Variants in RARG observed in about 807,000 individuals in gnomAD.
RARG encodes the protein retinoic acid receptor gamma.
In RARG, 17 loss-of-function variants were observed where a neutral mutation model predicts 43.7. The ratio of observed to expected loss-of-function variants is 0.39; its 90% CI spans 0.27 to 0.58. The LOEUF (loss-of-function observed/expected upper bound fraction) is 0.58. Ranked by LOEUF, RARG falls within the 20% of genes least tolerant of loss-of-function variation. The probability of loss-of-function intolerance (pLI) is 0.57; values close to 1 mark genes in which losing one functional copy is unlikely to be tolerated. For missense variants in RARG, 346 were observed against 598.7 expected (o/e 0.58, Z 4.40); for synonymous variants, 238 against 236.4 (o/e 1.01, Z -0.06).
intron 2 of RARG, among the ~76,000 whole-genome samples, chr12:53,230,663 G>A (rs1354871302): frequency 6.6e-6 from 1 of 152,084 alleles, no homozygotes; most frequent in African/African-American, 2.4e-5. Flanking sequence ...GTGCCCAGGA[G>A]GCAGGCAGGC....
chr12:53,220,362 T>G, intron 3 of RARG: 1 of 961,438 alleles, frequency 1.0e-6, no homozygotes, highest in Non-Finnish European at 1.2e-6. Context: ...CAGCTAGCAC[T>G]GGGGAGACCT....
chr12:53,222,719 C>T (rs375103763), intron 3 of RARG, among the ~76,000 whole-genome samples: 1 of 152,270 alleles, frequency 6.6e-6, no homozygotes, highest in East Asian at 1.9e-4. Flanking sequence ...GCCCGCCCTC[C>T]CCATCAACCC....
chr12:53,214,206 C>T lies in RARG; in HGVS notation c.666G>A (p.Leu222=), dbSNP rs1942691292. 12 of 1,613,626 alleles carry T rather than the reference C, an allele frequency of 7.4e-6. No individual in the cohort carries two copies. The highest frequency in any genetic ancestry group is 1.0e-5 in the Non-Finnish European group (12 of 1,179,690). The change falls in exon 7 of 10, where the codon CTG becomes CTA. Residue 222 remains leucine (L), a synonymous_variant. Coordinates refer to ENST00000425354, the MANE Select transcript of RARG (RefSeq NM_000966.6). ...TNSSADHRVQ[L]DLGLWDKFSE... is the part of the protein sequence containing the mutation. Reference sequence around the variant, plus strand: ...TGAACTTGTCCCACAGCCCCAGATCCAGCTGCACGCGGTGGTCTGCACTGG... The same window carrying T: ...TGAACTTGTCCCACAGCCCCAGATCTAGCTGCACGCGGTGGTCTGCACTGG...
At chr12:53,214,384 C>T in intron 6 of RARG, 62 bp downstream of exon 6, 3 of 1,582,368 alleles carry the variant, frequency 1.9e-6, no homozygotes, top group Admixed American at 3.4e-5. Context: ...TCCAACACAA[C>T]CCAGCCCCAT....
At chr12:53,220,019 T>C (rs1942905497) in intron 3 of RARG, 2 of 1,532,442 alleles carry the variant, frequency 1.3e-6, no homozygotes, top group Non-Finnish European at 1.8e-6. Flanking sequence ...CCGGTGGCTC[T>C]GCGCAGCAAG....
At chr12:53,218,873 G>C (rs1185208052) in intron 3 of RARG, among the ~76,000 whole-genome samples, 1 of 143,292 alleles carries the variant, frequency 7.0e-6, no homozygotes, top group Non-Finnish European at 1.5e-5. Context: ...CACCCAGGCA[G>C]CGAGCACATC....
chr12:53,218,457 A>G (rs1162409941), intron 3 of RARG, among the ~76,000 whole-genome samples: 2 of 151,964 alleles, frequency 1.3e-5, no homozygotes, highest in African/African-American at 4.8e-5. Context: ...CCCCCACAAC[A>G]TATAACATAC....
Position 53,213,157 on chromosome 12 carries a change from G to C in RARG, c.1105C>G (p.Arg369Gly). 6.2e-7 allele frequency: 1 copy of C among 1,613,850 alleles called. No homozygotes were observed. The highest frequency in any genetic ancestry group is 8.5e-7 in the Non-Finnish European group (1 of 1,179,756). ...EALRLYARRR[R>G]PSQPYMFPRM... ...GGGAACATGTAGGGCTGGCTGGGCC[G>C]CCGGCGCCGGGCGTACAGCCTCAGG... Residue 369 changes from arginine to glycine, a missense_variant, in exon 9 of 10, where the codon CGG (arginine) becomes GGG (glycine). This residue lies in a region of RARG where 25 missense variants were observed against 23.0 expected (regional missense o/e 1.09). Coordinates refer to ENST00000425354, the MANE Select transcript of RARG (RefSeq NM_000966.6). This position sits in a 1 kb window ranked among gnomAD's most constrained non-coding sequence, Gnocchi z 4.7.
At position 53,220,195 on chromosome 12, in the gene RARG, G is replaced by T. The variant is rs537713298; in HGVS notation, c.185-4401C>A. 317 of 1,548,440 alleles carry T rather than the reference G, an allele frequency of 2.0e-4. 1 individual carries two copies. The highest frequency in any genetic ancestry group is 2.7e-4 in the Non-Finnish European group (306 of 1,146,060). On this transcript the variant is annotated intron_variant, in intron 3 of 9. Transcript: ENST00000425354. Reference sequence around the variant, plus strand: ...CCCGGCGGCGCCCCGCTCCAGCAGGGGGGGAGGGGGAGGGCTAGCATAGGG... The same window carrying T: ...CCCGGCGGCGCCCCGCTCCAGCAGGTGGGGAGGGGGAGGGCTAGCATAGGG...
At chr12:53,222,231 GAGAGAAAGAAAAGAA>G (rs1555181719) in intron 3 of RARG, among the ~76,000 whole-genome samples, 1 of 93,222 alleles carries the variant, frequency 1.1e-5, no homozygotes, top group African/African-American at 7.2e-5. Flanking sequence ...GAAAGAAAGA[GAGAGAAAGAAAAGAA>G]AGAGAAAGAA....
At chr12:53,216,440 G>A (rs1321538416) in intron 3 of RARG, among the ~76,000 whole-genome samples, 2 of 152,128 alleles carry the variant, frequency 1.3e-5, no homozygotes, top group African/African-American at 2.4e-5. Context: ...AGCAAATGGG[G>A]CAAAGGTCTC....
rs1416999568 is a variant in RARG, at chr12:53,214,244, G to A, written c.637-9C>T. 1 of 1,610,646 alleles carries A rather than the reference G, an allele frequency of 6.2e-7. No individual in the cohort carries two copies. Among genetic ancestry groups the A allele is most frequent in the Non-Finnish European group, 8.5e-7 (1 of 1,177,040 alleles). On this transcript the variant is annotated splice_polypyrimidine_tract_variant and intron_variant, in intron 6 of 9. Transcript: ENST00000425354. ...TGGTCTGCACTGGAGTTCTGCAGAG[G>A]GGAGGGGTAGAAGGTTGGAAGGCAA...
intron 5 of RARG, 184 bp from the exon 6 acceptor site, chr12:53,214,790 C>CGA: frequency 3.0e-6 from 2 of 657,900 alleles, no homozygotes; most frequent in South Asian, 2.6e-5. Context: ...TCTCCCCAGC[C>CGA]CCACCCAGGG....
At chr12:53,223,607 AGAGACCGGGGAGGGGAGGG>A (rs1490634935) in intron 3 of RARG, among the ~76,000 whole-genome samples, 1 of 133,834 alleles carries the variant, frequency 7.5e-6, no homozygotes, top group Non-Finnish European at 1.5e-5. Flanking sequence ...CCGGAGGAGG[AGAGACCGGGGAGGGGAGGG>A]GAAAAGAGGC....
intron 3 of RARG, among the ~76,000 whole-genome samples, chr12:53,221,827 G>C (rs1014058452): frequency 6.6e-6 from 1 of 151,572 alleles, no homozygotes; most frequent in Admixed American, 6.6e-5. Flanking sequence ...GCCGCGGAGC[G>C]GGAGCGGCGC....
chr12:53,214,355 G>A, intron 6 of RARG, 91 bp downstream of exon 6: 1 of 1,546,978 alleles, frequency 6.5e-7, no homozygotes. Flanking sequence ...CTTGTCCTCA[G>A]CACCAGTCGA....
intron 2 of RARG, among the ~76,000 whole-genome samples, chr12:53,228,924 C>T (rs1943170831): frequency 1.3e-5 from 2 of 152,168 alleles, no homozygotes; most frequent in Non-Finnish European, 1.5e-5. Flanking sequence ...CTAGGAAGTT[C>T]TCCCTGCAAC....
intron 2 of RARG, among the ~76,000 whole-genome samples, chr12:53,229,645 G>A (rs1565732417): frequency 1.3e-5 from 2 of 152,174 alleles, no homozygotes; most frequent in Non-Finnish European, 2.9e-5. Context: ...CCCTGATGGA[G>A]CCAGGAGTTT....
Position 53,213,159 on chromosome 12 carries a change from C to T in RARG, c.1103G>A (p.Arg368Gln), listed in dbSNP as rs754474376. 2 of 1,613,538 alleles carry T rather than the reference C, an allele frequency of 1.2e-6. No individual in the cohort carries two copies. Among genetic ancestry groups the T allele is most frequent in the African/African-American group, 1.3e-5 (1 of 74,920 alleles). The change falls in exon 9 of 10, where the codon CGG becomes CAG. Residue 368 changes from arginine (R) to glutamine (Q), a missense_variant. Around this residue, in one of 8 missense-constraint regions of RARG, gnomAD observed 25 missense variants for 23.0 expected, o/e 1.09. Coordinates refer to ENST00000425354, the MANE Select transcript of RARG (RefSeq NM_000966.6). The surrounding 1 kb of genome is among the most constrained non-coding windows in gnomAD (Gnocchi z 4.7). ...LEALRLYARR[R>Q]RPSQPYMFPR... ...GAACATGTAGGGCTGGCTGGGCCGC[C>T]GGCGCCGGGCGTACAGCCTCAGGGC... is the stretch of plus-strand genomic sequence containing the variant.
Sources: allele counts gnomAD v4.1 joint callset (sites outside exome capture counted in the v4.1 genomes callset), GRCh38; gene constraint gnomAD v4.1.1; regional missense constraint gnomAD v4.1.1; non-coding constraint Gnocchi (gnomAD v3.1); transcripts MANE v1.5; gene names NCBI Gene and HGNC (gene_info 2026-07-23, HGNC 2026-07-21).